The following CIAO3 variants were observed in gnomAD, a reference collection of about 807,000 sequenced individuals.
CIAO3 encodes the protein cytosolic iron-sulfur assembly component 3.
Under a neutral mutation model 51.5 loss-of-function variants are expected in CIAO3, and 45 were observed. The ratio of observed to expected loss-of-function variants is 0.87; its 90% CI spans 0.69 to 1.12. The LOEUF is 1.12. Ranked by LOEUF, CIAO3 falls within the 50% of genes most tolerant of loss-of-function variation. The pLI, the probability that CIAO3 is intolerant of heterozygous loss-of-function variation, is 0.00. For synonymous variants in CIAO3, 314 were observed against 269.3 expected (o/e 1.17, Z -1.63); for missense variants, 668 against 632.5 (o/e 1.06, Z -0.60).
Position 734,879 on chromosome 16 carries a change from G to T in CIAO3, c.440-8C>A. On this transcript the variant is annotated splice_polypyrimidine_tract_variant and splice_region_variant and intron_variant, in intron 4 of 10. Coordinates refer to ENST00000251588, the MANE Select transcript of CIAO3 (RefSeq NM_022493.3). ...CGAAGACGAAGTGCACCCCTGGAAG[G>T]TGAAGGTGGGTGCCTGGTTAACCCC... 2 of 1,542,726 alleles carry T rather than the reference G, an allele frequency of 1.3e-6. No homozygotes were observed. The highest frequency in any genetic ancestry group is 1.8e-6 in the Non-Finnish European group (2 of 1,141,154).
rs910057721 is a variant in CIAO3, at chr16:730,783, G to A, written c.1192+60C>T. Reference sequence around the variant, plus strand: ...TCCTCCCACTCCCAGCCTGGTGGATGGTGGCCCACAGCTCTGCTCCCAGAA... The same window carrying A: ...TCCTCCCACTCCCAGCCTGGTGGATAGTGGCCCACAGCTCTGCTCCCAGAA... On this transcript the variant is annotated intron_variant, in intron 10 of 10. Coordinates refer to ENST00000251588, the MANE Select transcript of CIAO3 (RefSeq NM_022493.3). 22 of 1,594,028 alleles carry A rather than the reference G, an allele frequency of 1.4e-5. No individual in the cohort carries two copies. In the African/African-American group the frequency reaches 2.1e-4, roughly 16 times the overall value.
intron 9 of CIAO3, 91 bp downstream of exon 9, chr16:731,474 T>C: frequency 7.0e-7 from 1 of 1,430,900 alleles, no homozygotes; most frequent in Non-Finnish European, 9.2e-7. Context: ...CCAGCCCACC[T>C]CTGTGGGAGG....
In CIAO3 at chr16:730,858, T is replaced by G. The variant is rs1252654051; in HGVS notation, c.1177A>C (p.Met393Leu). ...GRCPYHYVEV[M>L]ACPSGCLNGG... ...CAGGAGCTACCTGAGGGGCAGGCCA[T>G]GACCTCCACGTAGTGGTAGGGGCAG... Residue 393 changes from methionine (M) to leucine (L), a missense_variant, in exon 10 of 11, where the codon ATG becomes CTG. Met to Leu is a conservative substitution (Grantham distance 15). Transcript: ENST00000251588. The G allele has an allele frequency of 1.9e-6, 3 of 1,612,674 alleles. No homozygotes were observed. Among genetic ancestry groups the G allele is most frequent in the Admixed American group, 3.3e-5 (2 of 59,994 alleles).
At chr16:733,647 G>T in intron 6 of CIAO3, 1 of 615,842 alleles carries the variant, frequency 1.6e-6, no homozygotes, top group Non-Finnish European at 2.7e-6. Flanking sequence ...CAGTGTGCCT[G>T]CGCTCCCTAA....
In CIAO3 at chr16:731,641, G is replaced by C; in HGVS notation, c.958C>G (p.Leu320Val). 6.4e-7 allele frequency: 1 copy of C among 1,559,112 alleles called. No individual in the cohort carries two copies. Among genetic ancestry groups the C allele is most frequent in the Non-Finnish European group, 8.7e-7 (1 of 1,152,138 alleles). Residue 320 changes from leucine (L) to valine (V), a missense_variant, in exon 9 of 11, where the codon CTG becomes GTG. Physicochemically the swap from Leu to Val is conservative, Grantham distance 32. Coordinates refer to ENST00000251588, the MANE Select transcript of CIAO3 (RefSeq NM_022493.3). The part of the protein sequence containing the change: ...SHRGGGSGGY[L>V]EHVFRHAARE... ...GCCGCGTGCCGGAACACGTGCTCCA[G>C]GTAGCCCCCCGAGCCCCCTCCCCGA...
chr16:733,486 G>C, intron 6 of CIAO3, 59 bp from the exon 7 acceptor site: 1 of 1,606,476 alleles, frequency 6.2e-7, no homozygotes, highest in Non-Finnish European at 8.5e-7. Context: ...GCTGAGACGG[G>C]ACCTGGAACT....
intron 9 of CIAO3, chr16:731,353 C>T: frequency 2.9e-6 from 2 of 683,702 alleles, no homozygotes; most frequent in East Asian, 2.9e-5. Flanking sequence ...CCATCCCCCA[C>T]AATGGGCCGA....
In CIAO3 at chr16:730,556, G is replaced by T; in HGVS notation, c.1292C>A (p.Ala431Glu). 2 of 1,610,856 alleles carry T rather than the reference G, an allele frequency of 1.2e-6. No individual in the cohort carries two copies. Among genetic ancestry groups the T allele is most frequent in the Non-Finnish European group, 8.5e-7 (1 of 1,179,970 alleles). Residue 431 changes from alanine (A) to glutamate (E), a missense_variant, in exon 11 of 11, where the codon GCG becomes GAG. Coordinates refer to ENST00000251588, the MANE Select transcript of CIAO3 (RefSeq NM_022493.3). ...CTGAACCCCAGGCGCGTCCTCGGGCGCCTCAGCCCGGACCATGCCGTACAG... is the reference window on the plus strand; with the variant it reads ...CTGAACCCCAGGCGCGTCCTCGGGCTCCTCAGCCCGGACCATGCCGTACAG... ...ERLYGMVRAE[A>E]PEDAPGVQEL...
chr16:737,860 G>A lies in CIAO3; in HGVS notation c.163-531C>T. The A allele has an allele frequency of 1.7e-6, 2 of 1,182,110 alleles. No homozygotes were observed. Among genetic ancestry groups the A allele is most frequent in the Non-Finnish European group, 2.1e-6 (2 of 937,472 alleles). The allele number at this position is 1,182,110 out of a possible 1,614,324, so 73.2% of individuals were successfully genotyped here. A position where few individuals can be genotyped will look rare whatever the true frequency, so the allele number is the denominator to read the frequency against. On this transcript the variant is annotated intron_variant, in intron 2 of 10. Transcript: ENST00000251588. This position sits in a 1 kb window ranked among gnomAD's most constrained non-coding sequence, Gnocchi z 5.3. ...GCAGGAACAAGGTGTTCCAGTCGGG[G>A]GCCTCCGGGACATGCCTCAGCAACT...
chr16:731,018 G>A lies in CIAO3; in HGVS notation c.1035-18C>T, dbSNP rs1205536642. 4 of 1,612,032 alleles carry A rather than the reference G, an allele frequency of 2.5e-6. No individual in the cohort carries two copies. In the South Asian group the frequency reaches 3.3e-5, roughly 13 times the overall value. ...CTTTGTTCCTGGGGGGCACAGGCGG[G>A]GTTTGTCTACATGGCACACCCACCA... On this transcript the variant is annotated intron_variant, in intron 9 of 10. Coordinates refer to ENST00000251588, the MANE Select transcript of CIAO3 (RefSeq NM_022493.3).
At chr16:730,733 G>T in intron 10 of CIAO3, 78 bp from the exon 11 acceptor site, 1 of 1,579,946 alleles carries the variant, frequency 6.3e-7, no homozygotes, top group South Asian at 1.1e-5. Flanking sequence ...GCAGGGAGGT[G>T]ACCGGGCCCC....
rs1309844993 is a variant in CIAO3 at position 737,141 on chromosome 16, T to C, written c.306+45A>G. 12 of 1,605,204 alleles carry C rather than the reference T, an allele frequency of 7.5e-6. No individual in the cohort carries two copies. Among genetic ancestry groups the C allele is most frequent in the Non-Finnish European group, 9.4e-6 (11 of 1,173,130 alleles). On this transcript the variant is annotated intron_variant, in intron 3 of 10. Transcript: ENST00000251588. The surrounding 1 kb of genome is among the most constrained non-coding windows in gnomAD (Gnocchi z 5.3). ...CAAAACGCGTTGTCGGCTGCTGGGA[T>C]GGATTTCAGGTTAAAGCAGAGTCAC...
intron 1 of CIAO3, chr16:740,472 T>A: frequency 3.4e-6 from 1 of 294,656 alleles, no homozygotes; most frequent in South Asian, 3.2e-5. Context: ...AGGCTGTGGC[T>A]TGGGGGTCCT....
chr16:731,875 G>GT (rs111908664), intron 8 of CIAO3, 173 bp from the exon 9 acceptor site: 85,506 of 633,762 alleles, frequency 0.13, 1,259 homozygotes, highest in African/African-American at 0.26. Context: ...GCCACTTCTT[G>GT]TTTTTTTTTT....
chr16:740,573 A>C, intron 1 of CIAO3: 3 of 368,646 alleles, frequency 8.1e-6, no homozygotes, highest in Non-Finnish European at 1.5e-5. Flanking sequence ...GGGTCGGGTT[A>C]GGGTTAGGGA....
Position 737,444 on chromosome 16 carries a change from G to A in CIAO3, c.163-115C>T. 1.3e-6 allele frequency: 2 copies of A among 1,570,066 alleles called. No homozygotes were observed. Among genetic ancestry groups the A allele is most frequent in the East Asian group, 2.3e-5 (1 of 43,740 alleles). On this transcript the variant is annotated intron_variant, in intron 2 of 10. Coordinates refer to ENST00000251588, the MANE Select transcript of CIAO3 (RefSeq NM_022493.3). The surrounding 1 kb of genome is among the most constrained non-coding windows in gnomAD (Gnocchi z 5.3). ...ACCAACATGGCTGCTGGCTGGGCTT[G>A]TGTGCCGCTGAATTTTTAAAAATTA...
intron 5 of CIAO3, 169 bp downstream of exon 5, chr16:734,568 C>A (rs764257473): frequency 7.9e-7 from 1 of 1,261,722 alleles, no homozygotes; most frequent in Admixed American, 1.7e-5. Flanking sequence ...CACGGGAGGG[C>A]AGCCTCTTCT....
chr16:730,715 A>T (rs1021455068), intron 10 of CIAO3, 60 bp from the exon 11 acceptor site: 3 of 1,583,072 alleles, frequency 1.9e-6, no homozygotes, highest in Non-Finnish European at 1.7e-6. Flanking sequence ...CTTCCTGACC[A>T]CCAGGGAGCA....
Position 737,703 on chromosome 16 carries a change from G to A in CIAO3, c.163-374C>T. On this transcript the variant is annotated intron_variant, in intron 2 of 10. Transcript: ENST00000251588. The surrounding 1 kb of genome is among the most constrained non-coding windows in gnomAD (Gnocchi z 5.3). ...AAATGCCGAAGGTGGGCTCTGAAAGGAGGAGGCGGGAAAGCTGAGGACAAA... is the reference window on the plus strand; with the variant it reads ...AAATGCCGAAGGTGGGCTCTGAAAGAAGGAGGCGGGAAAGCTGAGGACAAA... 1 of 1,301,124 alleles carries A rather than the reference G, an allele frequency of 7.7e-7. No homozygotes were observed. Among genetic ancestry groups the A allele is most frequent in the Non-Finnish European group, 1.0e-6 (1 of 996,872 alleles). 80.6% of individuals were successfully genotyped at this position (1,301,124 alleles called of 1,614,324 possible). A position where few individuals can be genotyped will look rare whatever the true frequency, so the allele number is the denominator to read the frequency against.
Sources: allele counts gnomAD v4.1 joint callset, GRCh38; gene constraint gnomAD v4.1.1; non-coding constraint Gnocchi (gnomAD v3.1); transcripts MANE v1.5; gene names NCBI Gene and HGNC (gene_info 2026-07-23, HGNC 2026-07-21).